The following EFCAB7 variants were observed in gnomAD, a reference collection of about 807,000 sequenced individuals.
The protein encoded by EFCAB7 is EF-hand calcium-binding domain-containing protein 7.
A neutral mutation model predicts 77.1 loss-of-function variants in EFCAB7; 66 were observed. The ratio of observed to expected loss-of-function variants is 0.86; its 90% CI spans 0.70 to 1.05. The LOEUF (loss-of-function observed/expected upper bound fraction) is 1.05, where lower values mean the gene tolerates loss of function less well. Ranked by LOEUF, EFCAB7 falls within the 50% of genes least tolerant of loss-of-function variation. EFCAB7 has a pLI of 0.00. For missense variants in EFCAB7, 638 were observed against 730.5 expected (o/e 0.87, Z 1.46); for synonymous variants, 225 against 243.3 (o/e 0.92, Z 0.70).
At chr1:63,562,894 T>G (rs541721652) in intron 11 of EFCAB7, among the ~76,000 whole-genome samples, 2 of 152,294 alleles carry the variant, frequency 1.3e-5, no homozygotes, top group African/African-American at 4.8e-5. Flanking sequence ...ACAAATTTTA[T>G]TTTAGATACA....
chr1:63,578,567 GAGT>G, the EFCAB7 span, among the ~76,000 whole-genome samples: 1 of 151,370 alleles, frequency 6.6e-6, no homozygotes, highest in Non-Finnish European at 1.5e-5. Context: ...TCAGCCTCCC[GAGT>G]AGCTGGGACT....
chr1:63,555,253 A>T, intron 8 of EFCAB7, 105 bp from the exon 9 acceptor site: 1 of 1,278,836 alleles, frequency 7.8e-7, no homozygotes, highest in Non-Finnish European at 1.1e-6. Context: ...TTGATTTAAA[A>T]ATCATTTCTA....
chr1:63,526,462 A>G (rs1646591226), intron 2 of EFCAB7, among the ~76,000 whole-genome samples: 1 of 152,194 alleles, frequency 6.6e-6, no homozygotes, highest in Non-Finnish European at 1.5e-5. Flanking sequence ...CAATTTTATA[A>G]TGAATTTTCT....
intron 5 of EFCAB7, 118 bp downstream of exon 5, chr1:63,533,767 A>G: frequency 1.3e-6 from 1 of 780,898 alleles, no homozygotes; most frequent in East Asian, 2.9e-5. Flanking sequence ...AACTTTTGTT[A>G]GCTACTATTT....
the EFCAB7 span, among the ~76,000 whole-genome samples, chr1:63,580,385 A>G: frequency 6.6e-6 from 1 of 152,148 alleles, no homozygotes; most frequent in Non-Finnish European, 1.5e-5. Context: ...ATAGAACCAT[A>G]TCTTTGCATG....
intron 2 of EFCAB7, among the ~76,000 whole-genome samples, chr1:63,531,189 T>TC (rs1557670068): frequency 6.6e-6 from 1 of 152,018 alleles, no homozygotes; most frequent in Non-Finnish European, 1.5e-5. Context: ...GTACTTAAGT[T>TC]CCCCTTCCCA....
Position 63,535,275 on chromosome 1 carries a change from G to A in EFCAB7, c.804+1059G>A, listed in dbSNP as rs550810300. 4.6e-5 allele frequency among the ~76,000 whole-genome samples: 7 copies of A among 152,110 alleles called. No individual in the cohort carries two copies. The South Asian group carries it at 1.4e-3, about 31-fold the overall frequency. On this transcript the variant is annotated intron_variant, in intron 6 of 13. Transcript: ENST00000371088. ...ATACCAATATAATTTTTAAAATTTA[G>A]TTCAATTCAACAAATATTCACTAAG...
chr1:63,556,521 A>G (rs1647032240), intron 9 of EFCAB7, among the ~76,000 whole-genome samples: 1 of 152,184 alleles, frequency 6.6e-6, no homozygotes, highest in Admixed American at 6.5e-5. Flanking sequence ...GAGAGGAAGA[A>G]GAAAGTAGAT....
At chr1:63,530,285 TGC>T (rs539461648) in intron 2 of EFCAB7, among the ~76,000 whole-genome samples, 29 of 152,336 alleles carry the variant, frequency 1.9e-4, no homozygotes, top group South Asian at 1.7e-3. Flanking sequence ...TGATTGGTGA[TGC>T]GCAGATCTTG....
chr1:63,562,407 T>G (rs934734774), intron 11 of EFCAB7, among the ~76,000 whole-genome samples: 1 of 134,964 alleles, frequency 7.4e-6, no homozygotes, highest in Non-Finnish European at 1.5e-5. Context: ...TAATAAACCA[T>G]AGGGGTAATA....
intron 4 of EFCAB7, 119 bp from the exon 5 acceptor site, chr1:63,533,335 C>A: frequency 1.4e-6 from 1 of 699,302 alleles, no homozygotes; most frequent in Non-Finnish European, 2.3e-6. Context: ...GCGTAACCAT[C>A]AATAGGAAAT....
chr1:63,542,946 A>G (rs1646848005), intron 6 of EFCAB7, among the ~76,000 whole-genome samples: 1 of 152,198 alleles, frequency 6.6e-6, no homozygotes, highest in South Asian at 2.1e-4. Context: ...TTGATGCACA[A>G]AAGTTTTTAA....
intron 6 of EFCAB7, among the ~76,000 whole-genome samples, chr1:63,537,180 C>CTTAGG (rs1379468120): frequency 5.9e-5 from 9 of 152,160 alleles, no homozygotes; most frequent in Non-Finnish European, 1.0e-4. Context: ...TATCCATTTA[C>CTTAGG]TTAGGTTCTG....
At chr1:63,578,766 T>C in the EFCAB7 span, among the ~76,000 whole-genome samples, 2 of 151,676 alleles carry the variant, frequency 1.3e-5, no homozygotes, top group African/African-American at 2.4e-5. Context: ...CAATCATATA[T>C]AAATTGAGTC....
chr1:63,533,502 C>G lies in EFCAB7; in HGVS notation c.535C>G (p.Leu179Val). ...TTNEQCLKTT[L>V]EKLEVDSKLM... ...CAACGAGCAATGTCTCAAGACTACA[C>G]TAGAAAAACTAGAGGTTGACAGTAA... Residue 179 changes from leucine (L) to valine (V), a missense_variant, in exon 5 of 14, where the codon CTA becomes GTA. Transcript: ENST00000371088. 1 of 1,611,562 alleles carries G rather than the reference C, an allele frequency of 6.2e-7. No individual in the cohort carries two copies. Among genetic ancestry groups the G allele is most frequent in the Non-Finnish European group, 8.5e-7 (1 of 1,179,192 alleles).
intron 10 of EFCAB7, among the ~76,000 whole-genome samples, 184 bp downstream of exon 10, chr1:63,557,431 G>GTA (rs1465036921): frequency 2.6e-5 from 4 of 152,104 alleles, no homozygotes; most frequent in African/African-American, 9.7e-5. Context: ...CCGATAGTTG[G>GTA]TATAATACTC....
chr1:63,548,631 T>G (rs889602649), intron 7 of EFCAB7: 3 of 152,240 alleles, frequency 2.0e-5, no homozygotes, highest in Admixed American at 2.0e-4. Flanking sequence ...CATCTCTTCC[T>G]GTTCTGCTCC....
intron 12 of EFCAB7, chr1:63,570,232 G>A (rs1329560799): frequency 6.6e-6 from 1 of 152,140 alleles, no homozygotes; most frequent in Non-Finnish European, 1.5e-5. Context: ...CCCCTTTATA[G>A]TCATTAGGGT....
chr1:63,577,878 T>G, the EFCAB7 span, among the ~76,000 whole-genome samples: 3 of 152,214 alleles, frequency 2.0e-5, no homozygotes, highest in Non-Finnish European at 4.4e-5. Flanking sequence ...GAAAATCTGT[T>G]GGAGGACTGA....
Sources: gnomAD v4.1 joint callset for allele counts (sites outside exome capture counted in the v4.1 genomes callset) on GRCh38, gnomAD v4.1.1 for gene constraint, MANE v1.5 for transcripts, NCBI Gene and HGNC (gene_info 2026-07-23, HGNC 2026-07-21) for gene names.